SCIN: variants seen among roughly 807,000 people sequenced by gnomAD.
The protein encoded by SCIN is scinderin.
In SCIN, 91 loss-of-function variants were observed where a neutral mutation model predicts 91.8. The ratio of observed to expected loss-of-function variants is 0.99; its 90% CI spans 0.84 to 1.18. The LOEUF (loss-of-function observed/expected upper bound fraction) is 1.18, where lower values mean the gene tolerates loss of function less well. Ranked by LOEUF, SCIN falls within the 50% of genes most tolerant of loss-of-function variation. The pLI, the probability that SCIN is intolerant of heterozygous loss-of-function variation, is 0.00. For synonymous variants in SCIN, 367 were observed against 312.6 expected (o/e 1.17, Z -1.84); for missense variants, 1,087 against 863.9 (o/e 1.26, Z -3.24).
chr7:12,625,641 C>T, intron 6 of SCIN, 121 bp from the exon 7 acceptor site: 1 of 774,156 alleles, frequency 1.3e-6, no homozygotes, highest in Non-Finnish European at 2.0e-6. Flanking sequence ...TTTTGCTATT[C>T]TTTCACTGCT....
Position 12,654,243 on chromosome 7 carries a change from G to C in SCIN, c.*1528G>C, listed in dbSNP as rs920388415. On this transcript the variant is annotated 3_prime_UTR_variant, in exon 16 of 16. Coordinates refer to ENST00000297029, the MANE Select transcript of SCIN (RefSeq NM_001112706.3). ...CAAATGGACTATGGTAGAAGCTGCT[G>C]TCCCTTAGTATTGAATATCTCTATT... 2.0e-5 allele frequency: 3 copies of C among 152,144 alleles called. No homozygotes were observed. Among genetic ancestry groups the C allele is most frequent in the Admixed American group, 6.5e-5 (1 of 15,272 alleles). 9.4% of individuals were successfully genotyped at this position (152,144 alleles called of 1,614,324 possible).
At chr7:12,609,565 G>T (rs1362909167) in intron 4 of SCIN, among the ~76,000 whole-genome samples, 1 of 151,442 alleles carries the variant, frequency 6.6e-6, no homozygotes, top group Non-Finnish European at 1.5e-5. Context: ...ATGTTTTTTA[G>T]ACTTTCATTA....
In SCIN at chr7:12,629,236, G is replaced by A. The variant is rs1447535456; in HGVS notation, c.1319+14G>A. 6.3e-7 allele frequency: 1 copy of A among 1,588,398 alleles called. No individual in the cohort carries two copies. Among genetic ancestry groups the A allele is most frequent in the East Asian group, 2.3e-5 (1 of 44,134 alleles). On this transcript the variant is annotated intron_variant, in intron 9 of 15. Transcript: ENST00000297029. Reference sequence around the variant, plus strand: ...TATCTACACGTGGTGAGTTTATACGGGTAAAGATCTCGAGTTCCACAGGAG... The same window carrying A: ...TATCTACACGTGGTGAGTTTATACGAGTAAAGATCTCGAGTTCCACAGGAG...
At chr7:12,571,297 C>T in intron 1 of SCIN, 2 of 418,948 alleles carry the variant, frequency 4.8e-6, no homozygotes, top group Non-Finnish European at 8.7e-6. Context: ...ATCCAAACGC[C>T]ACTCTTGTCC....
chr7:12,604,489 C>G, intron 3 of SCIN, 25 bp from the exon 4 acceptor site: 1 of 1,549,036 alleles, frequency 6.5e-7, no homozygotes, highest in Non-Finnish European at 8.7e-7. Context: ...TTCTTAGGGT[C>G]AACAGATCTG....
intron 4 of SCIN, among the ~76,000 whole-genome samples, chr7:12,612,519 A>G (rs117953691): frequency 0.02 from 3,015 of 152,280 alleles, 41 homozygotes; most frequent in South Asian, 0.03. Flanking sequence ...CTGCAATAAT[A>G]CTTAGTACAC....
Position 12,619,744 on chromosome 7 carries a change from A to G in SCIN, c.667-3057A>G, listed in dbSNP as rs1783368709. The stretch of plus-strand genomic sequence containing the variant: ...TGAGAAATAAGGCAGGGTAGATGAC[A>G]TTCAGCATCTGAAGGGGACTTGGGT... On this transcript the variant is annotated intron_variant, in intron 4 of 15. Coordinates refer to ENST00000297029, the MANE Select transcript of SCIN (RefSeq NM_001112706.3). Among the ~76,000 whole-genome samples, 4 of 152,096 alleles carry G rather than the reference A, an allele frequency of 2.6e-5. No individual in the cohort carries two copies. In the South Asian group the frequency reaches 8.3e-4, roughly 32 times the overall value.
chr7:12,602,365 A>G (rs1344354852), intron 3 of SCIN, among the ~76,000 whole-genome samples: 3 of 152,178 alleles, frequency 2.0e-5, no homozygotes, highest in Non-Finnish European at 4.4e-5. Context: ...AAACAGAACT[A>G]CTGATAAGGG....
chr7:12,627,129 T>TAC (rs1783543538), intron 8 of SCIN, among the ~76,000 whole-genome samples: 1 of 152,078 alleles, frequency 6.6e-6, no homozygotes. Context: ...TGTGTATATA[T>TAC]ACACATATAT....
intron 10 of SCIN, 55 bp downstream of exon 10, chr7:12,636,190 T>C: frequency 3.2e-6 from 4 of 1,250,168 alleles, no homozygotes; most frequent in Non-Finnish European, 4.6e-6. Context: ...GCTAGCTCAA[T>C]GGATAGCTAT....
rs1056607749 is a variant in SCIN, at chr7:12,656,722, G to A, written c.*4007G>A. 6.6e-6 allele frequency: 1 copy of A among 152,276 alleles called. No homozygotes were observed. The highest frequency in any genetic ancestry group is 2.4e-5 in the African/African-American group (1 of 41,552). 9.4% of individuals were successfully genotyped at this position (152,276 alleles called of 1,614,324 possible). A position where few individuals can be genotyped will look rare whatever the true frequency, so the allele number is the denominator to read the frequency against. ...TTGGATCACGAGGCCAGGAGTCCGA[G>A]ACCAGCCTGACCAACATAGTGAAAC... On this transcript the variant is annotated 3_prime_UTR_variant, in exon 16 of 16. Transcript: ENST00000297029.
chr7:12,635,057 C>A (rs1783720341), intron 9 of SCIN, among the ~76,000 whole-genome samples: 1 of 151,866 alleles, frequency 6.6e-6, no homozygotes. Flanking sequence ...GTAATCCCAG[C>A]TACTCAGGAG....
intron 4 of SCIN, among the ~76,000 whole-genome samples, chr7:12,612,533 T>A (rs1038867583): frequency 2.0e-5 from 3 of 152,158 alleles, no homozygotes; most frequent in Non-Finnish European, 4.4e-5. Context: ...AGTACACTCC[T>A]GAAATCCAAA....
At chr7:12,636,904 A>G (rs1178472386) in intron 10 of SCIN, among the ~76,000 whole-genome samples, 1 of 147,792 alleles carries the variant, frequency 6.8e-6, no homozygotes, top group Admixed American at 6.7e-5. Flanking sequence ...TTATTAATCA[A>G]TTAAAAAATA....
At chr7:12,599,206 G>T (rs1403172773) in intron 3 of SCIN, among the ~76,000 whole-genome samples, 2 of 152,124 alleles carry the variant, frequency 1.3e-5, no homozygotes, top group African/African-American at 4.8e-5. Flanking sequence ...AAGAAAACTT[G>T]ACTTTTAAAT....
chr7:12,609,788 A>G (rs540308710), intron 4 of SCIN, among the ~76,000 whole-genome samples: 1 of 152,234 alleles, frequency 6.6e-6, no homozygotes, highest in South Asian at 2.1e-4. Flanking sequence ...GTGTTGCTGA[A>G]CTGTTGTTGA....
intron 13 of SCIN, among the ~76,000 whole-genome samples, chr7:12,647,232 A>C (rs1479642097): frequency 2.6e-5 from 4 of 152,354 alleles, no homozygotes; most frequent in Non-Finnish European, 4.4e-5. Context: ...TTAGCCTTTA[A>C]GAGAAATATA....
intron 10 of SCIN, among the ~76,000 whole-genome samples, chr7:12,637,803 C>T (rs1330469654): frequency 2.6e-5 from 4 of 152,052 alleles, no homozygotes; most frequent in Non-Finnish European, 4.4e-5. Context: ...ATAAATGAGT[C>T]AACTTTTTAG....
chr7:12,580,718 C>T (rs553063157), intron 2 of SCIN, among the ~76,000 whole-genome samples: 1 of 152,152 alleles, frequency 6.6e-6, no homozygotes, highest in Non-Finnish European at 1.5e-5. Context: ...TTGCCTTGCT[C>T]ATTATTGATT....
Sources: allele counts gnomAD v4.1 joint callset (sites outside exome capture counted in the v4.1 genomes callset), GRCh38; gene constraint gnomAD v4.1.1; transcripts MANE v1.5; gene names NCBI Gene and HGNC (gene_info 2026-07-23, HGNC 2026-07-21).